Variants in GABRB3 observed in about 807,000 individuals in gnomAD.
GABRB3 encodes gamma-aminobutyric acid receptor subunit beta-3.
GABRB3 carries 14 observed loss-of-function variants against 52.1 expected under a neutral mutation model. The observed-to-expected ratio is 0.27, with a 90% confidence interval of 0.18 to 0.42. The LOEUF (loss-of-function observed/expected upper bound fraction) is 0.42. Ranked by LOEUF, GABRB3 falls within the 10% of genes least tolerant of loss-of-function variation. GABRB3 has a pLI of 1.00. For missense variants in GABRB3, 307 were observed against 609.1 expected (o/e 0.50, Z 5.22); for synonymous variants, 260 against 232.3 (o/e 1.12, Z -1.08).
At chr15:26,594,050 G>C (rs1250983874) in intron 4 of GABRB3, among the ~76,000 whole-genome samples, 1 of 147,178 alleles carries the variant, frequency 6.8e-6, no homozygotes. Flanking sequence ...TGTGGTTTAA[G>C]GAAATGCAAG....
chr15:26,665,054 A>T (rs1314252610), intron 3 of GABRB3, among the ~76,000 whole-genome samples: 1 of 151,998 alleles, frequency 6.6e-6, no homozygotes, highest in Non-Finnish European at 1.5e-5. Flanking sequence ...TTATTTTTTT[A>T]ACATTTTAAT....
chr15:26,616,527 C>G (rs1892263524), intron 4 of GABRB3, among the ~76,000 whole-genome samples: 1 of 150,270 alleles, frequency 6.7e-6, no homozygotes, highest in South Asian at 2.1e-4. Context: ...TATCCAGGTC[C>G]ATATAACTCT....
intron 4 of GABRB3, among the ~76,000 whole-genome samples, chr15:26,605,139 T>C (rs906930155): frequency 6.6e-6 from 1 of 152,142 alleles, no homozygotes; most frequent in African/African-American, 2.4e-5. Flanking sequence ...GACATTCAAA[T>C]GGCAAACAGG....
At chr15:26,760,809 G>GCACGCACACACACACACA (rs1555383021) in intron 3 of GABRB3, among the ~76,000 whole-genome samples, 14 of 149,396 alleles carry the variant, frequency 9.4e-5, no homozygotes, top group Admixed American at 2.7e-4. Context: ...ACACGCGCAC[G>GCACGCACACACACACACA]CACACACACA....
intron 4 of GABRB3, among the ~76,000 whole-genome samples, chr15:26,618,795 C>T (rs1457752308): frequency 3.3e-4 from 50 of 151,976 alleles, no homozygotes; most frequent in African/African-American, 1.1e-3. Context: ...ATCCAGAATC[C>T]ACAATGAACT....
chr15:26,550,344 G>T (rs1455482569), intron 8 of GABRB3, among the ~76,000 whole-genome samples: 4 of 152,090 alleles, frequency 2.6e-5, no homozygotes, highest in African/African-American at 4.8e-5. Context: ...GATCTGAATA[G>T]ACATGTCTTA....
intron 3 of GABRB3, among the ~76,000 whole-genome samples, chr15:26,711,992 C>T (rs562824083): frequency 5.3e-4 from 81 of 152,176 alleles, no homozygotes; most frequent in Middle Eastern, 6.8e-3. Context: ...GTGCAGATCA[C>T]GAGCAGAGCA....
chr15:26,600,288 A>C (rs550425173), intron 4 of GABRB3, among the ~76,000 whole-genome samples: 1 of 152,142 alleles, frequency 6.6e-6, no homozygotes, highest in African/African-American at 2.4e-5. Context: ...TAGGATTTGC[A>C]GAAGTAGAAG....
chr15:26,547,757 G>A lies in GABRB3; in HGVS notation c.*36C>T. The A allele has an allele frequency of 6.5e-7, 1 of 1,549,142 alleles. No homozygotes were observed. Among genetic ancestry groups the A allele is most frequent in the African/African-American group, 1.4e-5 (1 of 73,764 alleles). On this transcript the variant is annotated 3_prime_UTR_variant, in exon 9 of 9. Transcript: ENST00000311550. ...CAGGCAGAGTAATATTTCACTCAGTGTTAAATGAAGTCTTTGAAAAATCAA... is the reference window on the plus strand; with the variant it reads ...CAGGCAGAGTAATATTTCACTCAGTATTAAATGAAGTCTTTGAAAAATCAA...
intron 3 of GABRB3, among the ~76,000 whole-genome samples, chr15:26,682,404 T>C (rs1241817328): frequency 6.6e-6 from 1 of 152,178 alleles, no homozygotes; most frequent in Non-Finnish European, 1.5e-5. Flanking sequence ...AGCCTTATCA[T>C]GGAGCAAAAT....
At chr15:26,548,255 G>C (rs147902478) in intron 8 of GABRB3, 121 bp from the exon 9 acceptor site, 3 of 816,526 alleles carry the variant, frequency 3.7e-6, no homozygotes, top group Non-Finnish European at 4.3e-6. Flanking sequence ...CTGTACATCT[G>C]TCAAATCCAG....
At chr15:26,606,393 A>C (rs1158176937) in intron 4 of GABRB3, among the ~76,000 whole-genome samples, 1 of 152,146 alleles carries the variant, frequency 6.6e-6, no homozygotes, top group African/African-American at 2.4e-5. Flanking sequence ...CGGGACCAAA[A>C]TATCTCATGT....
At chr15:26,604,755 A>G (rs1891718497) in intron 4 of GABRB3, among the ~76,000 whole-genome samples, 1 of 152,160 alleles carries the variant, frequency 6.6e-6, no homozygotes, top group South Asian at 2.1e-4. Context: ...CACCTTATAT[A>G]AAAATCAAAT....
Sources: gnomAD v4.1 joint callset for allele counts (sites outside exome capture counted in the v4.1 genomes callset) on GRCh38, gnomAD v4.1.1 for gene constraint, MANE v1.5 for transcripts, NCBI Gene and HGNC (gene_info 2026-07-23, HGNC 2026-07-21) for gene names.